Variants in BAAT observed in about 807,000 individuals in gnomAD.
BAAT encodes the protein bile acid-CoA:amino acid N-acyltransferase, also known as bile acid CoA: amino acid N-acyltransferase (glycine N-choloyltransferase).
A neutral mutation model predicts 18.9 loss-of-function variants in BAAT; 13 were observed. The ratio of observed to expected loss-of-function variants is 0.69; its 90% CI spans 0.45 to 1.10. The LOEUF (loss-of-function observed/expected upper bound fraction) is 1.10, where lower values mean the gene tolerates loss of function less well. Ranked by LOEUF, BAAT falls within the 50% of genes least tolerant of loss-of-function variation. The pLI, the probability that BAAT is intolerant of heterozygous loss-of-function variation, is 0.00. For missense variants in BAAT, 489 were observed against 504.0 expected (o/e 0.97, Z 0.28); for synonymous variants, 170 against 190.7 (o/e 0.89, Z 0.89).
intron 1 of BAAT, among the ~76,000 whole-genome samples, chr9:101,374,870 A>G (rs1830012975): frequency 6.6e-6 from 1 of 151,940 alleles, no homozygotes. Flanking sequence ...AATAAAAATG[A>G]GTTAGCCTTG....
In BAAT at chr9:101,371,217, G is replaced by A. The variant is rs966000779; in HGVS notation, c.188C>T (p.Ala63Val). The A allele has an allele frequency of 1.9e-6, 3 of 1,613,796 alleles. No homozygotes were observed. In the African/African-American group the frequency reaches 4.0e-5, roughly 22 times the overall value. ...CATATAATCCCCTCCAAGTGAAGAA[G>A]CATGATTCAGGTCCACCTCACCGAA... ...NEFGEVDLNH[A>V]SSLGGDYMGV... The change falls in exon 2 of 4, where the codon GCT becomes GTT. Residue 63 changes from alanine (A) to valine (V), a missense_variant. Coordinates refer to ENST00000259407, the MANE Select transcript of BAAT (RefSeq NM_001701.4).
At chr9:101,369,527 G>C (rs1376734780) in intron 2 of BAAT, among the ~76,000 whole-genome samples, 2 of 152,134 alleles carry the variant, frequency 1.3e-5, no homozygotes, top group African/African-American at 2.4e-5. Context: ...TGAAGCGGGA[G>C]ACCCAGCACA....
chr9:101,370,027 C>T (rs1387691486), intron 2 of BAAT, among the ~76,000 whole-genome samples: 1 of 152,050 alleles, frequency 6.6e-6, no homozygotes, highest in Non-Finnish European at 1.5e-5. Context: ...TTTCTTGCAT[C>T]CTCTATATTT....
At position 101,379,291 on chromosome 9, in the gene BAAT, G is replaced by A. The variant is rs143544113; in HGVS notation, c.-60+5564C>T. Among the ~76,000 whole-genome samples, 61 of 152,300 alleles carry A rather than the reference G, an allele frequency of 4.0e-4. No individual in the cohort carries two copies. In the East Asian group the frequency reaches 7.7e-3, roughly 19 times the overall value. On this transcript the variant is annotated intron_variant, in intron 1 of 3. Coordinates refer to ENST00000259407, the MANE Select transcript of BAAT (RefSeq NM_001701.4). ...GCTGGGATTACAGGCGTGAGCCACCGCATCCGGCGAATGTCGCATTTTGAC... is the reference window on the plus strand; with the variant it reads ...GCTGGGATTACAGGCGTGAGCCACCACATCCGGCGAATGTCGCATTTTGAC...
In BAAT at chr9:101,371,239, C is replaced by G; in HGVS notation, c.166G>C (p.Gly56Arg). The part of the protein sequence containing the change: ...SQAHYRANEF[G>R]EVDLNHASSL... ...GAAGCATGATTCAGGTCCACCTCACCGAATTCATTGGCCCTATAGTGGGCT... is the reference window on the plus strand; with the variant it reads ...GAAGCATGATTCAGGTCCACCTCACGGAATTCATTGGCCCTATAGTGGGCT... The change falls in exon 2 of 4, where the codon GGT (glycine) becomes CGT (arginine). Residue 56 changes from glycine (G) to arginine (R), a missense_variant. Transcript: ENST00000259407. 1 of 1,613,134 alleles carries G rather than the reference C, an allele frequency of 6.2e-7. No individual in the cohort carries two copies.
intron 1 of BAAT, among the ~76,000 whole-genome samples, chr9:101,372,781 T>C (rs563063199): frequency 5.9e-5 from 9 of 152,198 alleles, no homozygotes; most frequent in African/African-American, 2.2e-4. Context: ...ACAATTATGA[T>C]AAAGCAGCAA....
intron 1 of BAAT, among the ~76,000 whole-genome samples, chr9:101,377,611 T>G (rs1830068820): frequency 6.6e-6 from 1 of 152,134 alleles, no homozygotes; most frequent in African/African-American, 2.4e-5. Context: ...TATCTCAAAA[T>G]AATAAGAGCT....
At chr9:101,370,807 C>T (rs1417397364) in intron 2 of BAAT, 132 bp downstream of exon 2, 3 of 1,013,152 alleles carry the variant, frequency 3.0e-6, no homozygotes, top group African/African-American at 3.2e-5. Context: ...AGGGATAATG[C>T]ATTTAAGGTG....
rs953427538 is a variant in BAAT, at chr9:101,370,977, C to A, written c.428G>T (p.Arg143Leu). The A allele has an allele frequency of 6.2e-7, 1 of 1,613,940 alleles. No individual in the cohort carries two copies. Among genetic ancestry groups the A allele is most frequent in the African/African-American group, 1.3e-5 (1 of 74,902 alleles). ...VAPGVTRIKV[R>L]EGRLRGALFL... ...GAGAGCTCCTCGAAGGCGGCCTTCTCGAACCTTAATTCGTGTGACACCAGG... is the reference window on the plus strand; with the variant it reads ...GAGAGCTCCTCGAAGGCGGCCTTCTAGAACCTTAATTCGTGTGACACCAGG... The change falls in exon 2 of 4, where the codon CGA (arginine) becomes CTA (leucine). Residue 143 changes from arginine (R) to leucine (L), a missense_variant. Arg to Leu is a moderately radical substitution (Grantham distance 102, BLOSUM62 -2). Coordinates refer to ENST00000259407, the MANE Select transcript of BAAT (RefSeq NM_001701.4).
At chr9:101,376,464 T>G (rs898291836) in intron 1 of BAAT, 4 of 154,090 alleles carry the variant, frequency 2.6e-5, no homozygotes, top group Non-Finnish European at 5.8e-5. Flanking sequence ...AAAATTATGC[T>G]TCTTTCCTCC....
At chr9:101,381,451 G>C (rs1010755740) in intron 1 of BAAT, among the ~76,000 whole-genome samples, 2 of 152,178 alleles carry the variant, frequency 1.3e-5, no homozygotes, top group East Asian at 3.9e-4. Flanking sequence ...TTGAGCCCAA[G>C]AGGTCAAGGA....
Position 101,371,355 on chromosome 9 carries a change from A to G in BAAT, c.50T>C (p.Val17Ala). 6.2e-7 allele frequency: 1 copy of G among 1,613,602 alleles called. No homozygotes were observed. The highest frequency in any genetic ancestry group is 8.5e-7 in the Non-Finnish European group (1 of 1,180,006). ...AATCAGGCCTGTAGCTCGGATATGC[A>G]CTGGCTCATCAACAAGTGCACTCAC... ...TPVSALVDEP[V>A]HIRATGLIPF... The change falls in exon 2 of 4, where the codon GTG becomes GCG. Residue 17 changes from valine to alanine, a missense_variant. Physicochemically the swap from Val to Ala is moderately conservative, Grantham distance 64 (BLOSUM62 0). Transcript: ENST00000259407.
chr9:101,368,461 A>G lies in BAAT; in HGVS notation c.467-139T>C, dbSNP rs928783956. On this transcript the variant is annotated intron_variant, in intron 2 of 3. Coordinates refer to ENST00000259407, the MANE Select transcript of BAAT (RefSeq NM_001701.4). ...AAATAAAAGATAATAAAAACATGAG[A>G]ACACAAAGCAGAAATGCAAAATTAC... The G allele has an allele frequency of 6.2e-6, 5 of 809,936 alleles. No homozygotes were observed. The East Asian group carries it at 1.4e-4, about 22-fold the overall frequency. The allele number at this position is 809,936 out of a possible 1,614,324, so 50.2% of individuals were successfully genotyped here.
In BAAT at chr9:101,362,410, T is replaced by C. The variant is rs1178110335; in HGVS notation, c.*18A>G. On this transcript the variant is annotated 3_prime_UTR_variant, in exon 4 of 4. Coordinates refer to ENST00000259407, the MANE Select transcript of BAAT (RefSeq NM_001701.4). ...TAAAGAGATTTGCTTCTTTATTTTC[T>C]AGGAATATCTAGTCTTCTTAGAGTT... 1.2e-6 allele frequency: 2 copies of C among 1,611,112 alleles called. No individual in the cohort carries two copies. Among genetic ancestry groups the C allele is most frequent in the African/African-American group, 1.3e-5 (1 of 74,874 alleles).
chr9:101,367,849 C>T (rs547439402), intron 3 of BAAT, among the ~76,000 whole-genome samples: 7 of 152,292 alleles, frequency 4.6e-5, no homozygotes, highest in African/African-American at 1.7e-4. Flanking sequence ...GTACGATTCT[C>T]AGTGAACTTG....
chr9:101,372,618 T>A lies in BAAT; in HGVS notation c.-59-1155A>T, dbSNP rs1283413498. 2.9e-5 allele frequency among the ~76,000 whole-genome samples: 3 copies of A among 103,538 alleles called. No homozygotes were observed. In the East Asian group the frequency reaches 7.5e-4, roughly 26 times the overall value. 67.9% of individuals were successfully genotyped at this position (103,538 alleles called of 152,430 possible). Reference sequence around the variant, plus strand: ...TAAACTACAAAATTAGTTTTGGGGTTGTTGGTTTTTTTTTTTTTTTTGGTC... The same window carrying A: ...TAAACTACAAAATTAGTTTTGGGGTAGTTGGTTTTTTTTTTTTTTTTGGTC... On this transcript the variant is annotated intron_variant, in intron 1 of 3. Transcript: ENST00000259407.
chr9:101,378,401 A>G (rs1402765016), intron 1 of BAAT, among the ~76,000 whole-genome samples: 2 of 152,204 alleles, frequency 1.3e-5, no homozygotes, highest in East Asian at 1.9e-4. Context: ...ATGGAACAGA[A>G]CAGAGGCCTC....
In BAAT at chr9:101,362,737, G is replaced by A. The variant is rs779673345; in HGVS notation, c.948C>T (p.Ala316=). ...CTACAATGAAGAGGAATTGCCCCTG[G>A]GCCTCTTCAATAGGAAACAAATATT... ...ASQYLFPIEE[A]QGQFLFIVGE... is the part of the protein sequence containing the mutation. The change falls in exon 4 of 4, where the codon GCC becomes GCT. Residue 316 remains alanine, a synonymous_variant. Transcript: ENST00000259407. The A allele has an allele frequency of 6.8e-6, 11 of 1,614,104 alleles. No individual in the cohort carries two copies. The highest frequency in any genetic ancestry group is 7.6e-6 in the Non-Finnish European group (9 of 1,180,016).
chr9:101,383,284 C>T (rs1830158695), intron 1 of BAAT, among the ~76,000 whole-genome samples: 1 of 152,192 alleles, frequency 6.6e-6, no homozygotes, highest in African/African-American at 2.4e-5. Context: ...AAAAGACACA[C>T]TTATCTGAGC....
Sources: allele counts gnomAD v4.1 joint callset (sites outside exome capture counted in the v4.1 genomes callset), GRCh38; gene constraint gnomAD v4.1.1; transcripts MANE v1.5; gene names NCBI Gene and HGNC (gene_info 2026-07-23, HGNC 2026-07-21).